The following ABCA5 variants were observed in gnomAD, a reference collection of about 807,000 sequenced individuals.
ABCA5 encodes cholesterol transporter ABCA5.
A neutral mutation model predicts 206.0 loss-of-function variants in ABCA5; 163 were observed. That is an observed-to-expected ratio of 0.79 (90% CI 0.70 to 0.90). ABCA5 has a LOEUF of 0.90. Among genes scored for constraint, ABCA5 ranks in the 40% least tolerant of loss-of-function variants. The pLI, the probability that ABCA5 is intolerant of heterozygous loss-of-function variation, is 0.00. For synonymous variants in ABCA5, 609 were observed against 613.8 expected, an observed-to-expected ratio of 0.99 and a Z score of 0.11; for missense variants, 1,859 against 1,912.9, an observed-to-expected ratio of 0.97 and a Z score of 0.53.
chr17:69,306,791 A>C lies in ABCA5; in HGVS notation c.722T>G (p.Val241Gly), dbSNP rs1455915481. 6.3e-7 allele frequency: 1 copy of C among 1,582,200 alleles called. No homozygotes were observed. Among genetic ancestry groups the C allele is most frequent in the Non-Finnish European group, 8.6e-7 (1 of 1,164,468 alleles). ...PFGYFLAIHI[V>G]AEKEKKIKEF... ...TTTTATTTTTTTTTCTTTTTCTGCT[A>C]CGATATGAATTGCCAAAAAGTATCC... Residue 241 changes from valine (V) to glycine (G), a missense_variant, in exon 6 of 39, where the codon GTA becomes GGA. By Grantham distance (109) the Val-to-Gly change is moderately radical (BLOSUM62 -3). Coordinates refer to ENST00000392676, the MANE Select transcript of ABCA5 (RefSeq NM_172232.4).
At position 69,279,564 on chromosome 17, in the gene ABCA5, C is replaced by T. The variant is rs544095235; in HGVS notation, c.2393-1722G>A. ...GTTCATATGGAACCAAAAAAGAGCC[C>T]GCATCGCCAAGTCAATCCTAAGCCA... On this transcript the variant is annotated intron_variant, in intron 18 of 38. Transcript: ENST00000392676. 3.7e-3 allele frequency among the ~76,000 whole-genome samples: 567 copies of T among 151,318 alleles called. 13 individuals carry two copies. The highest frequency in any genetic ancestry group is 0.028 in the Admixed American group (420 of 15,182).
rs745515177 is a variant in ABCA5 at position 69,247,530 on chromosome 17, T to A, written c.*7A>T. Reference sequence around the variant, plus strand: ...AAGTCCCAGTAAGCAGACCGAACAATACAAATTCAAAATACTACTCTATCT... The same window carrying A: ...AAGTCCCAGTAAGCAGACCGAACAAAACAAATTCAAAATACTACTCTATCT... On this transcript the variant is annotated 3_prime_UTR_variant, in exon 39 of 39. Transcript: ENST00000392676. 29 of 1,573,356 alleles carry A rather than the reference T, an allele frequency of 1.8e-5. No homozygotes were observed. In the South Asian group the frequency reaches 3.4e-4, roughly 18 times the overall value.
chr17:69,279,864 C>T (rs1231730509), intron 18 of ABCA5, among the ~76,000 whole-genome samples: 5 of 152,158 alleles, frequency 3.3e-5, no homozygotes, highest in Non-Finnish European at 7.3e-5. Flanking sequence ...CTTCCTTACA[C>T]CTTGTACAAA....
chr17:69,283,936 G>T lies in ABCA5; in HGVS notation c.2392+17C>A. Reference sequence around the variant, plus strand: ...TCTGATTCATTGCCTAAAATGTTTTGTTAGTTCTGTTTTTACCTGCTTGGT... The same window carrying T: ...TCTGATTCATTGCCTAAAATGTTTTTTTAGTTCTGTTTTTACCTGCTTGGT... On this transcript the variant is annotated intron_variant, in intron 18 of 38. Coordinates refer to ENST00000392676, the MANE Select transcript of ABCA5 (RefSeq NM_172232.4). The T allele has an allele frequency of 6.3e-7, 1 of 1,599,710 alleles. No individual in the cohort carries two copies.
At chr17:69,296,817 T>G (rs1407350613) in intron 10 of ABCA5, among the ~76,000 whole-genome samples, 1 of 152,082 alleles carries the variant, frequency 6.6e-6, no homozygotes, top group Admixed American at 6.5e-5. Flanking sequence ...ATACAAAAAT[T>G]AGCCAGGCAT....
intron 1 of ABCA5, among the ~76,000 whole-genome samples, chr17:69,317,479 A>G (rs1402859280): frequency 1.3e-5 from 2 of 151,896 alleles, no homozygotes; most frequent in Non-Finnish European, 2.9e-5. Flanking sequence ...CGTTATGTCA[A>G]GTGAAAGTCA....
At chr17:69,311,549 G>C (rs2075770087) in intron 3 of ABCA5, among the ~76,000 whole-genome samples, 1 of 152,036 alleles carries the variant, frequency 6.6e-6, no homozygotes, top group Non-Finnish European at 1.5e-5. Context: ...GAGTGCAGTG[G>C]TACAATCTCA....
chr17:69,285,311 A>ATT (rs2075438423), intron 17 of ABCA5: 1 of 25,428 alleles, frequency 3.9e-5, no homozygotes. Context: ...TTAATTTGTG[A>ATT]TTTCTTTTTA....
chr17:69,299,471 T>TACACACACACACACACACACACACAC (rs71144671), intron 9 of ABCA5, among the ~76,000 whole-genome samples: 3 of 142,398 alleles, frequency 2.1e-5, no homozygotes, highest in Non-Finnish European at 4.6e-5. Context: ...CACACACACA[T>TACACACACACACACACACACACACAC]ACACACACAC....
intron 6 of ABCA5, 54 bp downstream of exon 6, chr17:69,306,671 G>A: frequency 1.1e-6 from 1 of 892,432 alleles, no homozygotes; most frequent in Non-Finnish European, 1.5e-6. Context: ...TTGAAAATCT[G>A]TATATTTAAT....
chr17:69,289,618 G>A (rs1212045040), intron 13 of ABCA5, among the ~76,000 whole-genome samples: 3 of 152,122 alleles, frequency 2.0e-5, no homozygotes, highest in African/African-American at 7.2e-5. Context: ...GGAGGGGGTA[G>A]AGGAGATGAG....
intron 34 of ABCA5, 66 bp downstream of exon 34, chr17:69,253,504 AACT>A: frequency 9.8e-7 from 1 of 1,016,848 alleles, no homozygotes; most frequent in Non-Finnish European, 1.5e-6. Context: ...ACTAACATTA[AACT>A]ATTATAATAA....
intron 18 of ABCA5, among the ~76,000 whole-genome samples, chr17:69,278,280 T>C (rs2075355373): frequency 6.6e-6 from 1 of 152,204 alleles, no homozygotes; most frequent in Non-Finnish European, 1.5e-5. Flanking sequence ...TGGATACATA[T>C]CCATATTTAA....
chr17:69,291,084 A>G (rs1449369393), intron 12 of ABCA5, 132 bp downstream of exon 12: 2 of 487,698 alleles, frequency 4.1e-6, no homozygotes, highest in African/African-American at 2.0e-5. Flanking sequence ...AAACAACCAC[A>G]TGTGTATAAT....
At chr17:69,294,762 ATG>A (rs902018435) in intron 10 of ABCA5, 49 bp from the exon 11 acceptor site, 11 of 1,254,882 alleles carry the variant, frequency 8.8e-6, no homozygotes, top group African/African-American at 7.6e-5. Flanking sequence ...ATTTATAAGT[ATG>A]TGTGTTTATT....
chr17:69,254,430 C>G lies in ABCA5; in HGVS notation c.4129G>C (p.Gly1377Arg). Residue 1377 changes from glycine (G) to arginine (R), a missense_variant, in exon 32 of 39, where the codon GGT (glycine) becomes CGT (arginine). Coordinates refer to ENST00000392676, the MANE Select transcript of ABCA5 (RefSeq NM_172232.4). ...SEDDDSLKCMGYCPQINPLWP... is the reference protein window; with the variant it reads ...SEDDDSLKCMRYCPQINPLWP... ...AAAGGGTTTATCTGAGGACAGTAACCCATACACTTCAGTGAATCATCATCT... is the reference window on the plus strand; with the variant it reads ...AAAGGGTTTATCTGAGGACAGTAACGCATACACTTCAGTGAATCATCATCT... 6.2e-7 allele frequency: 1 copy of G among 1,613,372 alleles called. No homozygotes were observed. The highest frequency in any genetic ancestry group is 8.5e-7 in the Non-Finnish European group (1 of 1,179,662).
At chr17:69,311,583 G>T (rs1341937115) in intron 3 of ABCA5, among the ~76,000 whole-genome samples, 3 of 152,088 alleles carry the variant, frequency 2.0e-5, no homozygotes, top group African/African-American at 7.2e-5. Flanking sequence ...TCCGCCTCCC[G>T]GGTTCAAGCA....
chr17:69,256,605 G>A (rs775833476), intron 28 of ABCA5, among the ~76,000 whole-genome samples: 6 of 151,272 alleles, frequency 4.0e-5, no homozygotes, highest in Non-Finnish European at 7.4e-5. Context: ...ACAGGCACGC[G>A]CCACCATGCC....
chr17:69,280,361 A>C (rs1288769590), intron 18 of ABCA5, among the ~76,000 whole-genome samples: 1 of 152,054 alleles, frequency 6.6e-6, no homozygotes, highest in Non-Finnish European at 1.5e-5. Context: ...TTAGAATGGC[A>C]ATCATTAAAA....
Sources: allele counts gnomAD v4.1 joint callset (sites outside exome capture counted in the v4.1 genomes callset), GRCh38; gene constraint gnomAD v4.1.1; transcripts MANE v1.5; gene names NCBI Gene and HGNC (gene_info 2026-07-23, HGNC 2026-07-21).